The following TBC1D4 variants were observed in gnomAD, a reference collection of about 807,000 sequenced individuals.
TBC1D4 encodes the protein TBC1 domain family member 4, also known as TBC (Tre-2, BUB2, CDC16) domain-containing protein.
Under a neutral mutation model 142.5 loss-of-function variants are expected in TBC1D4, and 121 were observed. The observed-to-expected ratio is 0.85, with a 90% CI of 0.73 to 0.99. The LOEUF (loss-of-function observed/expected upper bound fraction) is 0.99. Among genes scored for constraint, TBC1D4 ranks in the 50% least tolerant of loss-of-function variants. TBC1D4 has a pLI of 0.00. For missense variants in TBC1D4, 1,475 were observed against 1,606.6 expected, an observed-to-expected ratio of 0.92 and a Z score of 1.40; for synonymous variants, 630 against 628.2, an observed-to-expected ratio of 1.00 and a Z score of -0.04.
rs115575809 is a variant in TBC1D4, at chr13:75,302,424, C to T, written c.2753-23G>A. On this transcript the variant is annotated intron_variant, in intron 15 of 20. Transcript: ENST00000377636. ...CTCCTACAATGAAGGAGATAAATAA[C>T]CAAGGCCTTGAACTCTGGAATGAAG... 1.1e-3 allele frequency: 1,735 copies of T among 1,613,942 alleles called. 10 individuals are homozygous for T. The African/African-American group carries it at 0.021, about 19-fold the overall frequency.
chr13:75,412,473 A>G (rs535043777), intron 1 of TBC1D4, among the ~76,000 whole-genome samples: 1 of 151,578 alleles, frequency 6.6e-6, no homozygotes, highest in Admixed American at 6.6e-5. Flanking sequence ...TATTTTTTTT[A>G]TTTTTTATTT....
At position 75,341,350 on chromosome 13, in the gene TBC1D4, A is replaced by G. The variant is rs1029992582; in HGVS notation, c.1501-115T>C. On this transcript the variant is annotated intron_variant, in intron 6 of 20. Transcript: ENST00000377636. ...AGTTTTAACTTCGCTCAGAAGCAAA[A>G]GTAAAATGGCATTCTATTCTATCCA... 6 of 1,286,568 alleles carry G rather than the reference A, an allele frequency of 4.7e-6. No individual in the cohort carries two copies. The African/African-American group carries it at 7.3e-5, about 16-fold the overall frequency. 79.7% of individuals were successfully genotyped at this position (1,286,568 alleles called of 1,614,324 possible). A position where few individuals can be genotyped will look rare whatever the true frequency, so the allele number is the denominator to read the frequency against.
chr13:75,430,571 G>A (rs1886556003), intron 1 of TBC1D4, among the ~76,000 whole-genome samples: 1 of 152,170 alleles, frequency 6.6e-6, no homozygotes, highest in African/African-American at 2.4e-5. Context: ...ACATCTCAAG[G>A]GCTTTTCTTG....
At chr13:75,294,334 C>A (rs993934406) in intron 18 of TBC1D4, among the ~76,000 whole-genome samples, 1 of 152,160 alleles carries the variant, frequency 6.6e-6, no homozygotes, top group Non-Finnish European at 1.5e-5. Context: ...GACTGTCCCC[C>A]AGCACTGCAT....
intron 1 of TBC1D4, among the ~76,000 whole-genome samples, chr13:75,386,845 C>T (rs1029426499): frequency 1.3e-5 from 2 of 152,288 alleles, no homozygotes; most frequent in Non-Finnish European, 2.9e-5. Context: ...TACGCAGACT[C>T]ATTCTAAACA....
intron 1 of TBC1D4, among the ~76,000 whole-genome samples, chr13:75,385,451 G>T (rs1212569933): frequency 6.6e-6 from 1 of 152,220 alleles, no homozygotes; most frequent in African/African-American, 2.4e-5. Context: ...AACCTAGAGT[G>T]TTTTCATATG....
chr13:75,306,236 C>T (rs1877166095), intron 15 of TBC1D4, 77 bp downstream of exon 15: 6 of 1,279,954 alleles, frequency 4.7e-6, no homozygotes, highest in Non-Finnish European at 5.2e-6. Flanking sequence ...AATCTGAGCT[C>T]CACAAATCAA....
intron 1 of TBC1D4, among the ~76,000 whole-genome samples, chr13:75,381,795 G>A (rs759577354): frequency 5.3e-5 from 8 of 152,162 alleles, no homozygotes; most frequent in Non-Finnish European, 8.8e-5. Flanking sequence ...GTCTCTCTTC[G>A]CTGATGGCTC....
chr13:75,336,258 G>A (rs1228432258), intron 8 of TBC1D4, among the ~76,000 whole-genome samples: 4 of 151,986 alleles, frequency 2.6e-5, no homozygotes, highest in Non-Finnish European at 4.4e-5. Flanking sequence ...TTAGCCAGGC[G>A]TGGTGGCGCG....
rs911645072 is a variant in TBC1D4, at chr13:75,284,320, C to T, written c.*2472G>A. Among the ~76,000 whole-genome samples, 5 of 152,114 alleles carry T rather than the reference C, an allele frequency of 3.3e-5. No homozygotes were observed. Among genetic ancestry groups the T allele is most frequent in the African/African-American group, 1.2e-4 (5 of 41,416 alleles). ...CCTCACCATATTATTATTATATACT[C>T]ACCATAATGTAGAATTAGTGGGAAC... On this transcript the variant is annotated 3_prime_UTR_variant, in exon 21 of 21. Coordinates refer to ENST00000377636, the MANE Select transcript of TBC1D4 (RefSeq NM_014832.5).
At chr13:75,401,260 AT>A (rs1249419689) in intron 1 of TBC1D4, among the ~76,000 whole-genome samples, 2 of 152,024 alleles carry the variant, frequency 1.3e-5, no homozygotes, top group African/African-American at 2.4e-5. Flanking sequence ...CTTCTTTTTA[AT>A]TTCCCCCTTT....
chr13:75,429,005 G>A (rs1036831236), intron 1 of TBC1D4, among the ~76,000 whole-genome samples: 10 of 152,112 alleles, frequency 6.6e-5, no homozygotes, highest in African/African-American at 2.2e-4. Flanking sequence ...TGCCTTTGCC[G>A]AATCACCTGA....
intron 1 of TBC1D4, among the ~76,000 whole-genome samples, chr13:75,467,684 T>A (rs1314512320): frequency 6.6e-6 from 1 of 152,198 alleles, no homozygotes; most frequent in Non-Finnish European, 1.5e-5. Context: ...TATCTTTCCT[T>A]GTGTAGTTTT....
chr13:75,434,433 C>G (rs1886708796), intron 1 of TBC1D4, among the ~76,000 whole-genome samples: 1 of 152,036 alleles, frequency 6.6e-6, no homozygotes, highest in African/African-American at 2.4e-5. Flanking sequence ...CACATGTTCT[C>G]ACTTATAAGT....
chr13:75,302,160 C>T, intron 16 of TBC1D4, 83 bp downstream of exon 16: 2 of 1,559,740 alleles, frequency 1.3e-6, no homozygotes, highest in Non-Finnish European at 8.8e-7. Context: ...TTATCAGCAC[C>T]AAGAACAAAC....
intron 1 of TBC1D4, among the ~76,000 whole-genome samples, chr13:75,448,575 A>C (rs1317208972): frequency 4.6e-5 from 7 of 151,668 alleles, no homozygotes; most frequent in East Asian, 3.9e-4. Context: ...TCTCAAAAAA[A>C]AAAAAAAACA....
intron 7 of TBC1D4, among the ~76,000 whole-genome samples, chr13:75,338,152 A>G (rs1468150509): frequency 1.3e-5 from 2 of 152,170 alleles, no homozygotes; most frequent in Non-Finnish European, 2.9e-5. Context: ...AATCAGACTG[A>G]AACATCAAAC....
rs146366072 is a variant in TBC1D4, at chr13:75,359,361, G to A, written c.1170+408C>T. 7.2e-5 allele frequency among the ~76,000 whole-genome samples: 11 copies of A among 152,130 alleles called. No homozygotes were observed. The East Asian group carries it at 1.7e-3, about 24-fold the overall frequency. The stretch of plus-strand genomic sequence containing the variant: ...TACATTAAAATAAGCTGAAACCCTC[G>A]TTCTCCTTTTACTACCTACTACGGT... On this transcript the variant is annotated intron_variant, in intron 3 of 20. Coordinates refer to ENST00000377636, the MANE Select transcript of TBC1D4 (RefSeq NM_014832.5).
intron 1 of TBC1D4, among the ~76,000 whole-genome samples, chr13:75,365,893 T>C (rs181226690): frequency 5.2e-4 from 79 of 152,294 alleles, no homozygotes; most frequent in African/African-American, 1.8e-3. Context: ...AGAACTCTGA[T>C]ATAAATTCTT....
Sources: gnomAD v4.1 joint callset for allele counts (sites outside exome capture counted in the v4.1 genomes callset) on GRCh38, gnomAD v4.1.1 for gene constraint, MANE v1.5 for transcripts, NCBI Gene and HGNC (gene_info 2026-07-23, HGNC 2026-07-21) for gene names.